Variants in GRIA3 observed in about 807,000 individuals in gnomAD.
The protein encoded by GRIA3 is glutamate receptor 3.
In GRIA3, 3 loss-of-function variants were observed where a neutral mutation model predicts 63.0. The observed-to-expected ratio is 0.05, with a 90% CI of 0.02 to 0.12. The LOEUF (loss-of-function observed/expected upper bound fraction) is 0.12, where lower values mean the gene tolerates loss of function less well. GRIA3 is among the 10% of genes least tolerant of loss of function. GRIA3 has a pLI of 1.00. For synonymous variants in GRIA3, 274 were observed against 257.9 expected, an observed-to-expected ratio of 1.06 and a Z score of -0.60; for missense variants, 347 against 700.9, an observed-to-expected ratio of 0.50 and a Z score of 5.70.
chrX:123,265,837 C>T (rs2044485061), intron 3 of GRIA3, among the ~76,000 whole-genome samples: 2 of 112,258 alleles, frequency 1.8e-5, no homozygotes, highest in African/African-American at 6.5e-5. Context: ...TGAACCCTTT[C>T]AGGACCCTGA....
At position 123,442,868 on chromosome X, in the gene GRIA3, G is replaced by A. The variant is rs947973344; in HGVS notation, c.2076+14729G>A. ...TTTTTCCCTATGCAAAGGATGCAGC[G>A]GGGAGGCTGGAAGTTGGGCCTGTGG... is the stretch of plus-strand genomic sequence containing the variant. On this transcript the variant is annotated intron_variant, in intron 12 of 15. Coordinates refer to ENST00000620443, the MANE Select transcript of GRIA3 (RefSeq NM_007325.5). 4.6e-5 allele frequency among the ~76,000 whole-genome samples: 5 copies of A among 108,550 alleles called. No homozygotes were observed. The East Asian group carries it at 1.4e-3, about 31-fold the overall frequency. 94.3% of individuals were successfully genotyped at this position (108,550 alleles called of 115,157 possible).
At chrX:123,298,515 T>A (rs1458583974) in intron 3 of GRIA3, among the ~76,000 whole-genome samples, 1 of 111,808 alleles carries the variant, frequency 8.9e-6, no homozygotes, top group East Asian at 2.8e-4. Context: ...GATTATTGAC[T>A]GCATGTATGT....
intron 13 of GRIA3, among the ~76,000 whole-genome samples, 178 bp downstream of exon 13, chrX:123,465,290 AT>A (rs1262574510): frequency 9.1e-6 from 1 of 109,945 alleles, no homozygotes; most frequent in Non-Finnish European, 1.9e-5. Context: ...TAATGCATCC[AT>A]TTTTTTTAAT....
intron 5 of GRIA3, among the ~76,000 whole-genome samples, chrX:123,372,997 T>C (rs2045258630): frequency 9.1e-6 from 1 of 109,902 alleles, no homozygotes; most frequent in Non-Finnish European, 1.9e-5. Context: ...GTATTTCTCC[T>C]AATGCTATCC....
Position 123,438,668 on chromosome X carries a change from G to A in GRIA3, c.2076+10529G>A, listed in dbSNP as rs1009106102. 2.7e-5 allele frequency among the ~76,000 whole-genome samples: 3 copies of A among 111,879 alleles called. No individual in the cohort carries two copies. In the East Asian group the frequency reaches 8.4e-4, roughly 31 times the overall value. On this transcript the variant is annotated intron_variant, in intron 12 of 15. Coordinates refer to ENST00000620443, the MANE Select transcript of GRIA3 (RefSeq NM_007325.5). ...CTCCCAAGTAGCTGGGATTACAGGC[G>A]CATGCCACCACGCCCAACTAATTTT... is the stretch of plus-strand genomic sequence containing the variant.
chrX:123,207,713 G>C (rs1245530741), intron 2 of GRIA3, among the ~76,000 whole-genome samples: 1 of 111,882 alleles, frequency 8.9e-6, no homozygotes, highest in Non-Finnish European at 1.9e-5. Context: ...GGTGAGCCAG[G>C]TAAATTAAGC....
chrX:123,207,805 C>T (rs990213417), intron 2 of GRIA3, among the ~76,000 whole-genome samples: 4 of 111,336 alleles, frequency 3.6e-5, no homozygotes, highest in Non-Finnish European at 5.7e-5. Context: ...TCAGTCATCT[C>T]AGGGCCACCT....
rs774050799 is a variant in GRIA3 at position 123,488,858 on chromosome X, T to C, written c.*148T>C. 9.0e-6 allele frequency: 1 copy of C among 110,855 alleles called. No homozygotes were observed. Among genetic ancestry groups the C allele is most frequent in the African/African-American group, 3.3e-5 (1 of 30,304 alleles). The allele number at this position is 110,855 out of a possible 1,213,427, so 9.1% of individuals were successfully genotyped here. ...GCAATGACCTTTCAATAGGAAAAAC[T>C]GATTTTTTTTTCCTTCAGTGCCTTA... is the stretch of plus-strand genomic sequence containing the variant. On this transcript the variant is annotated 3_prime_UTR_variant, in exon 16 of 16. Transcript: ENST00000620443.
chrX:123,313,185 G>C (rs5909990), intron 3 of GRIA3, among the ~76,000 whole-genome samples: 21,480 of 110,993 alleles, frequency 0.19, 1,622 homozygotes, highest in Non-Finnish European at 0.22. Flanking sequence ...TGATCTTGGG[G>C]GTGTTTTACG....
chrX:123,204,342 C>T (rs1927825071), intron 2 of GRIA3: 19 of 988,562 alleles, frequency 1.9e-5, no homozygotes, highest in Middle Eastern at 2.5e-4. Flanking sequence ...AAAGGTGACC[C>T]CATGATGTGG....
intron 12 of GRIA3, among the ~76,000 whole-genome samples, chrX:123,461,943 G>A (rs768806894): frequency 8.9e-6 from 1 of 111,752 alleles, no homozygotes; most frequent in East Asian, 2.8e-4. Flanking sequence ...CTGATAGAAT[G>A]TAGAAGGAAA....
chrX:123,380,837 G>A (rs2087287021), intron 5 of GRIA3, among the ~76,000 whole-genome samples: 2 of 111,463 alleles, frequency 1.8e-5, no homozygotes, highest in African/African-American at 6.5e-5. Context: ...GTGTAAGGAA[G>A]GGATGCAGTT....
chrX:123,270,316 C>G (rs1259116830), intron 3 of GRIA3, among the ~76,000 whole-genome samples: 1 of 112,313 alleles, frequency 8.9e-6, no homozygotes, highest in Non-Finnish European at 1.9e-5. Context: ...AAGCAAAGGA[C>G]AGCCATTGGA....
At chrX:123,345,068 A>G (rs183939299) in intron 4 of GRIA3, among the ~76,000 whole-genome samples, 10 of 111,136 alleles carry the variant, frequency 9.0e-5, no homozygotes, top group Non-Finnish European at 1.7e-4. Flanking sequence ...CTGTCCTAAG[A>G]CATCCATGTA....
intron 5 of GRIA3, among the ~76,000 whole-genome samples, chrX:123,364,238 T>C (rs937360385): frequency 9.0e-6 from 1 of 111,528 alleles, no homozygotes; most frequent in Non-Finnish European, 1.9e-5. Flanking sequence ...GACCTTAGAG[T>C]CACTTAGCAC....
At chrX:123,195,391 C>T (rs1230984946) in intron 2 of GRIA3, among the ~76,000 whole-genome samples, 1 of 112,020 alleles carries the variant, frequency 8.9e-6, no homozygotes, top group Admixed American at 9.4e-5. Context: ...GCTCAAGGTC[C>T]CACAACTAGC....
chrX:123,379,548 G>T (rs2045307729), intron 5 of GRIA3, among the ~76,000 whole-genome samples: 3 of 107,127 alleles, frequency 2.8e-5, no homozygotes, highest in Non-Finnish European at 5.7e-5. Flanking sequence ...TATTAAATCT[G>T]TCGCTAAACT....
intron 2 of GRIA3, among the ~76,000 whole-genome samples, chrX:123,213,980 C>T (rs1231716241): frequency 1.8e-5 from 2 of 111,856 alleles, no homozygotes; most frequent in Non-Finnish European, 3.8e-5. Flanking sequence ...AACAGAAACA[C>T]CCCATCAGCA....
At chrX:123,430,506 T>C (rs1199659483) in intron 12 of GRIA3, among the ~76,000 whole-genome samples, 1 of 111,401 alleles carries the variant, frequency 9.0e-6, no homozygotes, top group Non-Finnish European at 1.9e-5. Flanking sequence ...AAGACTATCT[T>C]TGATATTCGT....
Sources: gnomAD v4.1 joint callset for allele counts (sites outside exome capture counted in the v4.1 genomes callset) on GRCh38, gnomAD v4.1.1 for gene constraint, MANE v1.5 for transcripts, NCBI Gene and HGNC (gene_info 2026-07-23, HGNC 2026-07-21) for gene names.